Variants in FSD1L observed in about 807,000 individuals in gnomAD.
FSD1L encodes the protein fibronectin type III and SPRY domain containing 1 like, also known as FSD1-like protein.
A neutral mutation model predicts 71.6 loss-of-function variants in FSD1L; 45 were observed. The ratio of observed to expected loss-of-function variants is 0.63; its 90% CI spans 0.49 to 0.81. The LOEUF is 0.81. Ranked by LOEUF, FSD1L falls within the 30% of genes least tolerant of loss-of-function variation. The probability of loss-of-function intolerance (pLI) is 0.00; values close to 1 mark genes in which losing one functional copy is unlikely to be tolerated. For missense variants in FSD1L, 561 were observed against 618.1 expected, an observed-to-expected ratio of 0.91 and a Z score of 0.98; for synonymous variants, 197 against 207.2, an observed-to-expected ratio of 0.95 and a Z score of 0.42.
chr9:105,442,441 G>A, the FSD1L span, among the ~76,000 whole-genome samples: 1 of 152,050 alleles, frequency 6.6e-6, no homozygotes, highest in Non-Finnish European at 1.5e-5. Context: ...CAGTTTGGGA[G>A]GCCAAGGTGG....
At chr9:105,483,387 C>G (rs545993563) in intron 6 of FSD1L, among the ~76,000 whole-genome samples, 1 of 152,234 alleles carries the variant, frequency 6.6e-6, no homozygotes, top group East Asian at 1.9e-4. Flanking sequence ...TTGGCAGATA[C>G]AATTGACTAG....
intron 7 of FSD1L, among the ~76,000 whole-genome samples, chr9:105,492,476 G>T (rs1325292538): frequency 6.6e-6 from 1 of 151,866 alleles, no homozygotes; most frequent in African/African-American, 2.4e-5. Flanking sequence ...TTTTTTGAAG[G>T]GTTTTTTTGT....
At chr9:105,499,935 CAA>C (rs1214769113) in intron 7 of FSD1L, among the ~76,000 whole-genome samples, 5 of 152,154 alleles carry the variant, frequency 3.3e-5, no homozygotes, top group African/African-American at 9.7e-5. Context: ...TCTTCAAACT[CAA>C]AAGATTCTTT....
At chr9:105,475,008 A>G (rs1204068403) in intron 5 of FSD1L, among the ~76,000 whole-genome samples, 3 of 152,222 alleles carry the variant, frequency 2.0e-5, no homozygotes, top group Non-Finnish European at 2.9e-5. Flanking sequence ...GATCCAGATC[A>G]TTAGCTTTAT....
At chr9:105,530,888 C>G (rs1042149428) in intron 10 of FSD1L, 1 of 288,454 alleles carries the variant, frequency 3.5e-6, no homozygotes, top group African/African-American at 2.2e-5. Context: ...TGAGCTCATT[C>G]TAGTCAGATA....
At chr9:105,460,903 T>G (rs1259486413) in intron 1 of FSD1L, among the ~76,000 whole-genome samples, 2 of 152,224 alleles carry the variant, frequency 1.3e-5, no homozygotes, top group African/African-American at 4.8e-5. Context: ...GTGTTACTTA[T>G]GTACCAATTT....
chr9:105,478,479 C>A (rs1459723141), intron 5 of FSD1L, among the ~76,000 whole-genome samples: 3 of 152,076 alleles, frequency 2.0e-5, no homozygotes, highest in South Asian at 2.1e-4. Flanking sequence ...CAGTGTTGAG[C>A]AAAACAGCCT....
chr9:105,464,041 T>A (rs939754214), intron 2 of FSD1L, among the ~76,000 whole-genome samples, 195 bp from the exon 3 acceptor site: 9 of 152,324 alleles, frequency 5.9e-5, no homozygotes, highest in Admixed American at 2.0e-4. Flanking sequence ...ATAAGAGGGC[T>A]TAATACAGTA....
intron 10 of FSD1L, among the ~76,000 whole-genome samples, chr9:105,531,761 T>C (rs968301966): frequency 6.6e-6 from 1 of 152,212 alleles, no homozygotes; most frequent in African/African-American, 2.4e-5. Context: ...TCATTTCAGA[T>C]AATGTCACAT....
intron 7 of FSD1L, among the ~76,000 whole-genome samples, chr9:105,493,323 C>G (rs1040546070): frequency 3.9e-5 from 6 of 151,932 alleles, no homozygotes; most frequent in Non-Finnish European, 7.4e-5. Flanking sequence ...GGATTGCAAC[C>G]CCTGCCTTTT....
intron 4 of FSD1L, among the ~76,000 whole-genome samples, chr9:105,468,899 T>G (rs1377692377): frequency 6.6e-6 from 1 of 152,218 alleles, no homozygotes; most frequent in African/African-American, 2.4e-5. Flanking sequence ...CTTGTGCAAG[T>G]GAAACTTTAT....
Position 105,546,383 on chromosome 9 carries a change from G to T in FSD1L, c.1493G>T (p.Ser498Ile). 6.5e-7 allele frequency: 1 copy of T among 1,549,706 alleles called. No homozygotes were observed. Among genetic ancestry groups the T allele is most frequent in the Non-Finnish European group, 8.7e-7 (1 of 1,145,940 alleles). ...FMVWCGGLSL[S>I]TGMQVPSAVR... ...GTATGGTGTGGTGGACTTTCTTTGA[G>T]TACTGGGATGCAGGTTCCAAGTGCT... The change falls in exon 14 of 14, where the codon AGT (serine) becomes ATT (isoleucine). Residue 498 changes from serine to isoleucine, a missense_variant. Ser to Ile is a moderately radical substitution (Grantham distance 142, BLOSUM62 -2). Coordinates refer to ENST00000481272, the MANE Select transcript of FSD1L (RefSeq NM_001145313.3).
chr9:105,536,575 G>A (rs574575913), intron 12 of FSD1L, among the ~76,000 whole-genome samples: 2 of 152,006 alleles, frequency 1.3e-5, no homozygotes, highest in Admixed American at 1.3e-4. Context: ...TTTTTTCACG[G>A]CATTATGTCA....
chr9:105,551,153 C>G lies in FSD1L; in HGVS notation c.*4670C>G, dbSNP rs1441685312. On this transcript the variant is annotated 3_prime_UTR_variant, in exon 14 of 14. Transcript: ENST00000481272. The stretch of plus-strand genomic sequence containing the variant: ...TATCTAAGGTACCAAAGCACTGAGT[C>G]TAATTTACCTATTAAGGGAGACTCT... The G allele has an allele frequency of 6.6e-6, 1 of 151,930 alleles. No homozygotes were observed. The allele number at this position is 151,930 out of a possible 1,614,324, so 9.4% of individuals were successfully genotyped here.
At chr9:105,459,327 C>A (rs185338781) in intron 1 of FSD1L, among the ~76,000 whole-genome samples, 2 of 152,304 alleles carry the variant, frequency 1.3e-5, no homozygotes, top group Admixed American at 1.3e-4. Context: ...CTACTGAGCA[C>A]CAAGTTCCTT....
At chr9:105,521,157 C>A in intron 10 of FSD1L, 1 of 1,613,910 alleles carries the variant, frequency 6.2e-7, no homozygotes, top group Non-Finnish European at 8.5e-7. Flanking sequence ...CATTAAGGCT[C>A]GTGTTATTGT....
At chr9:105,515,982 T>C (rs1386775246) in intron 10 of FSD1L, among the ~76,000 whole-genome samples, 1 of 152,194 alleles carries the variant, frequency 6.6e-6, no homozygotes, top group African/African-American at 2.4e-5. Flanking sequence ...AGTCTGAGAC[T>C]GACCTGGGAC....
chr9:105,508,254 T>C (rs560825841), intron 8 of FSD1L, among the ~76,000 whole-genome samples: 119 of 147,254 alleles, frequency 8.1e-4, no homozygotes, highest in South Asian at 2.0e-3. Flanking sequence ...CTCAGCTAAC[T>C]GCAAGCTCCG....
At chr9:105,545,080 G>A (rs1836895548) in intron 13 of FSD1L, among the ~76,000 whole-genome samples, 1 of 152,016 alleles carries the variant, frequency 6.6e-6, no homozygotes. Context: ...TCTTCCATTT[G>A]TTTGTGTCCT....
Sources: allele counts gnomAD v4.1 joint callset (sites outside exome capture counted in the v4.1 genomes callset), GRCh38; gene constraint gnomAD v4.1.1; transcripts MANE v1.5; gene names NCBI Gene and HGNC (gene_info 2026-07-23, HGNC 2026-07-21).